WWP1: variants seen among roughly 807,000 people sequenced by gnomAD.
WWP1 encodes the protein WW domain containing E3 ubiquitin protein ligase 1.
A neutral mutation model predicts 130.6 loss-of-function variants in WWP1; 49 were observed. That is an observed-to-expected ratio of 0.38 (90% CI 0.30 to 0.48). The LOEUF (loss-of-function observed/expected upper bound fraction) is 0.48. Ranked by LOEUF, WWP1 falls within the 20% of genes least tolerant of loss-of-function variation. WWP1 has a pLI of 0.99. For missense variants in WWP1, 809 were observed against 1,100.6 expected (o/e 0.74, Z 3.75); for synonymous variants, 332 against 367.8 (o/e 0.90, Z 1.11).
intron 8 of WWP1, among the ~76,000 whole-genome samples, chr8:86,406,790 T>C (rs1250070365): frequency 6.6e-6 from 1 of 152,218 alleles, no homozygotes; most frequent in African/African-American, 2.4e-5. Flanking sequence ...TAAAGCTACA[T>C]CCACTCTCAA....
intron 5 of WWP1, among the ~76,000 whole-genome samples, chr8:86,388,101 GTCAGTGCAGTA>G (rs1825392435): frequency 6.6e-6 from 1 of 150,886 alleles, no homozygotes; most frequent in Non-Finnish European, 1.5e-5. Context: ...TACTGTATTG[GTCAGTGCAGTA>G]TCAGACTCTT....
At chr8:86,390,193 C>T (rs1196164861) in intron 5 of WWP1, among the ~76,000 whole-genome samples, 7 of 151,348 alleles carry the variant, frequency 4.6e-5, no homozygotes, top group South Asian at 2.1e-4. Flanking sequence ...CAGGAAGAGG[C>T]GCTCCTCACT....
intron 1 of WWP1, among the ~76,000 whole-genome samples, chr8:86,358,969 C>T (rs1050077265): frequency 3.3e-5 from 5 of 152,184 alleles, no homozygotes; most frequent in Non-Finnish European, 7.3e-5. Flanking sequence ...GGAGAGATGA[C>T]ACCTGAGCGG....
At chr8:86,412,178 C>T (rs1001619705) in intron 9 of WWP1, among the ~76,000 whole-genome samples, 22 of 152,178 alleles carry the variant, frequency 1.4e-4, no homozygotes, top group Non-Finnish European at 4.4e-5. Flanking sequence ...CATGATACTC[C>T]ATATAATATC....
At chr8:86,398,307 C>T (rs752586364) in intron 5 of WWP1, 35 bp from the exon 6 acceptor site, 2 of 1,549,508 alleles carry the variant, frequency 1.3e-6, no homozygotes, top group Non-Finnish European at 1.7e-6. Context: ...TTATATGTGG[C>T]AAAAGCTTTT....
chr8:86,361,205 G>A (rs1223640061), intron 1 of WWP1, among the ~76,000 whole-genome samples: 2 of 152,164 alleles, frequency 1.3e-5, no homozygotes, highest in Non-Finnish European at 2.9e-5. Context: ...GCTTAGTTTG[G>A]ATGAGAAATT....
At chr8:86,363,153 A>C (rs1399720267) in intron 1 of WWP1, among the ~76,000 whole-genome samples, 2 of 152,180 alleles carry the variant, frequency 1.3e-5, no homozygotes, top group Non-Finnish European at 2.9e-5. Flanking sequence ...TGGAATGAGA[A>C]CTTCTGCTGG....
intron 8 of WWP1, among the ~76,000 whole-genome samples, chr8:86,409,488 C>T (rs1808468557): frequency 6.7e-6 from 1 of 149,292 alleles, no homozygotes; most frequent in African/African-American, 2.4e-5. Flanking sequence ...CCCGCCTCGG[C>T]CTCCCAAAGT....
At position 86,430,770 on chromosome 8, in the gene WWP1, T is replaced by A; in HGVS notation, c.1387+19T>A. ...GGCTGGGGTAAGCTGTTTTTGCTAA[T>A]GATCTATAAGGGAGATATATATCTC... is the stretch of plus-strand genomic sequence containing the variant. On this transcript the variant is annotated intron_variant, in intron 12 of 24. Coordinates refer to ENST00000517970, the MANE Select transcript of WWP1 (RefSeq NM_007013.4). 6.6e-7 allele frequency: 1 copy of A among 1,509,768 alleles called. No individual in the cohort carries two copies. Among genetic ancestry groups the A allele is most frequent in the Non-Finnish European group, 8.9e-7 (1 of 1,120,244 alleles). 93.5% of individuals were successfully genotyped at this position (1,509,768 alleles called of 1,614,324 possible). A position where few individuals can be genotyped will look rare whatever the true frequency, so the allele number is the denominator to read the frequency against.
chr8:86,346,391 C>G (rs1479844290), intron 1 of WWP1, among the ~76,000 whole-genome samples: 1 of 152,116 alleles, frequency 6.6e-6, no homozygotes, highest in Non-Finnish European at 1.5e-5. Context: ...CCACTACACT[C>G]CAGCCTGGGC....
chr8:86,364,712 A>T (rs931736591), intron 1 of WWP1, among the ~76,000 whole-genome samples: 1 of 151,820 alleles, frequency 6.6e-6, no homozygotes, highest in Non-Finnish European at 1.5e-5. Context: ...AGTCTCAGGC[A>T]GGAGGATAGC....
At chr8:86,457,897 C>T in intron 21 of WWP1, 24 bp from the exon 22 acceptor site, 2 of 1,598,754 alleles carry the variant, frequency 1.3e-6, no homozygotes, top group South Asian at 1.1e-5. Flanking sequence ...TTTATTGTGG[C>T]CTGATTCTGT....
chr8:86,442,791 CTT>C lies in WWP1; in HGVS notation c.1998+15_1998+16del. ...TTTTATTGCCATGGTGAGTTCCTGA[CTT>C]TATTATTATTTATTTAAGTTTGTTA... On this transcript the variant is annotated intron_variant, in intron 18 of 24. Coordinates refer to ENST00000517970, the MANE Select transcript of WWP1 (RefSeq NM_007013.4). 6.4e-7 allele frequency: 1 copy of C among 1,570,064 alleles called. No homozygotes were observed. The highest frequency in any genetic ancestry group is 1.2e-5 in the South Asian group (1 of 81,590).
chr8:86,458,256 A>T (rs1811566550), intron 22 of WWP1, among the ~76,000 whole-genome samples: 1 of 152,192 alleles, frequency 6.6e-6, no homozygotes, highest in Non-Finnish European at 1.5e-5. Flanking sequence ...TTATTTAAGT[A>T]ATAGTTTAAT....
chr8:86,402,280 C>G lies in WWP1; in HGVS notation c.724+77C>G, dbSNP rs1808033511. 2.7e-6 allele frequency: 4 copies of G among 1,475,476 alleles called. No homozygotes were observed. The South Asian group carries it at 5.4e-5, about 20-fold the overall frequency. The allele number at this position is 1,475,476 out of a possible 1,614,324, so 91.4% of individuals were successfully genotyped here. On this transcript the variant is annotated intron_variant, in intron 8 of 24. Transcript: ENST00000517970. ...TATGTATCCATCCATGCCTACACTT[C>G]CCTTTTTGTGTAGTCTTTTTTTTGA...
intron 1 of WWP1, among the ~76,000 whole-genome samples, chr8:86,350,963 A>G (rs769537066): frequency 2.6e-5 from 4 of 152,140 alleles, no homozygotes; most frequent in Non-Finnish European, 5.9e-5. Context: ...AACAAACTAG[A>G]TTGTTCTTCT....
intron 14 of WWP1, 37 bp downstream of exon 14, chr8:86,431,780 T>C (rs1809991519): frequency 1.2e-6 from 2 of 1,609,754 alleles, no homozygotes; most frequent in Non-Finnish European, 1.7e-6. Flanking sequence ...TAAATATTGC[T>C]TAGTGAGCAC....
rs975629318 is a variant in WWP1 at position 86,409,488 on chromosome 8, CCT to C, written c.725-2048_725-2047del. Among the ~76,000 whole-genome samples the C allele has an allele frequency of 6.0e-4, 90 of 149,414 alleles. 1 individual carries two copies. Among genetic ancestry groups the C allele is most frequent in the Admixed American group, 5.9e-3 (89 of 15,074 alleles). Reference sequence around the variant, plus strand: ...TGACCTCGTGATCCACCCGCCTCGGCCTCCCAAAGTGCTGGGATTACAGGCGT... The same window carrying C: ...TGACCTCGTGATCCACCCGCCTCGGCCCCAAAGTGCTGGGATTACAGGCGT... On this transcript the variant is annotated intron_variant, in intron 8 of 24. Coordinates refer to ENST00000517970, the MANE Select transcript of WWP1 (RefSeq NM_007013.4).
chr8:86,453,283 A>T (rs1811271993), intron 21 of WWP1, among the ~76,000 whole-genome samples: 1 of 152,120 alleles, frequency 6.6e-6, no homozygotes, highest in African/African-American at 2.4e-5. Flanking sequence ...GTGAAATCAT[A>T]CAGTATTTTA....
Sources: gnomAD v4.1 joint callset for allele counts (sites outside exome capture counted in the v4.1 genomes callset) on GRCh38, gnomAD v4.1.1 for gene constraint, MANE v1.5 for transcripts, NCBI Gene and HGNC (gene_info 2026-07-23, HGNC 2026-07-21) for gene names.